Variants in ANKS1B observed in about 807,000 individuals in gnomAD.
The protein encoded by ANKS1B is ankyrin repeat and sterile alpha motif domain containing 1B.
In ANKS1B, 36 loss-of-function variants were observed where a neutral mutation model predicts 148.3. That is an observed-to-expected ratio of 0.24 (90% CI 0.19 to 0.32). The LOEUF (loss-of-function observed/expected upper bound fraction) is 0.32, where lower values mean the gene tolerates loss of function less well. Ranked by LOEUF, ANKS1B falls within the 10% of genes least tolerant of loss-of-function variation. The probability of loss-of-function intolerance (pLI) is 1.00; values close to 1 mark genes in which losing one functional copy is unlikely to be tolerated. For missense variants in ANKS1B, 1,157 were observed against 1,542.6 expected (o/e 0.75, Z 4.19); for synonymous variants, 542 against 560.8 (o/e 0.97, Z 0.47).
intron 17 of ANKS1B, among the ~76,000 whole-genome samples, chr12:98,954,064 G>T (rs1389991473): frequency 4.6e-5 from 7 of 152,180 alleles, no homozygotes; most frequent in Admixed American, 1.3e-4. Flanking sequence ...AAGATGGTTA[G>T]AAATGAATCT....
At chr12:99,321,493 A>G (rs1490804962) in intron 12 of ANKS1B, among the ~76,000 whole-genome samples, 4 of 152,094 alleles carry the variant, frequency 2.6e-5, no homozygotes, top group Admixed American at 2.0e-4. Context: ...TGGGCATGGG[A>G]CCCTCCGAGC....
intron 1 of ANKS1B, among the ~76,000 whole-genome samples, chr12:99,826,454 TAAA>T (rs1378800021): frequency 6.6e-6 from 1 of 152,038 alleles, no homozygotes; most frequent in African/African-American, 2.4e-5. Context: ...GACAGTTAAT[TAAA>T]AGAAGAATTA....
intron 8 of ANKS1B, among the ~76,000 whole-genome samples, chr12:99,699,060 A>G (rs1349975743): frequency 6.6e-6 from 1 of 151,776 alleles, no homozygotes; most frequent in Admixed American, 6.6e-5. Context: ...TCATTCACTT[A>G]TTTTTTCATT....
At chr12:99,531,371 C>T (rs1211562520) in intron 9 of ANKS1B, among the ~76,000 whole-genome samples, 1 of 152,222 alleles carries the variant, frequency 6.6e-6, no homozygotes, top group Non-Finnish European at 1.5e-5. Context: ...CAACTCTCCC[C>T]CCTTCTGAGT....
At chr12:98,835,657 TC>T (rs1249055399) in intron 17 of ANKS1B, among the ~76,000 whole-genome samples, 2 of 152,186 alleles carry the variant, frequency 1.3e-5, no homozygotes, top group African/African-American at 4.8e-5. Context: ...GCTGAGGCAC[TC>T]CTCTGCACTG....
At chr12:98,961,860 T>C (rs1271406714) in intron 17 of ANKS1B, among the ~76,000 whole-genome samples, 5 of 152,078 alleles carry the variant, frequency 3.3e-5, no homozygotes, top group African/African-American at 7.2e-5. Flanking sequence ...GGTTATAAGA[T>C]AGTATTTTCA....
intron 25 of ANKS1B, among the ~76,000 whole-genome samples, chr12:98,771,650 G>C (rs1013762099): frequency 6.6e-6 from 1 of 151,870 alleles, no homozygotes; most frequent in Admixed American, 6.6e-5. Flanking sequence ...ATTTTTGTTT[G>C]TTTGTTTTTG....
intron 17 of ANKS1B, among the ~76,000 whole-genome samples, chr12:99,025,980 C>T (rs2099948523): frequency 6.6e-6 from 1 of 152,136 alleles, no homozygotes; most frequent in Non-Finnish European, 1.5e-5. Flanking sequence ...AGTTCCCAGA[C>T]CAATGTGCTT....
chr12:99,506,705 T>A (rs2096715441), intron 9 of ANKS1B, among the ~76,000 whole-genome samples: 1 of 152,010 alleles, frequency 6.6e-6, no homozygotes, highest in South Asian at 2.1e-4. Flanking sequence ...CAAAGACTAA[T>A]GTTTATAAGT....
chr12:99,739,832 T>G (rs943187231), intron 8 of ANKS1B, among the ~76,000 whole-genome samples: 2 of 152,244 alleles, frequency 1.3e-5, no homozygotes, highest in African/African-American at 4.8e-5. Flanking sequence ...CATCCTTCTC[T>G]GAGCATTCCA....
At chr12:99,970,471 T>C (rs1212710077) in intron 1 of ANKS1B, among the ~76,000 whole-genome samples, 3 of 151,896 alleles carry the variant, frequency 2.0e-5, no homozygotes, top group Admixed American at 1.3e-4. Flanking sequence ...TTTGATCTTT[T>C]ACTCAAAGTT....
intron 15 of ANKS1B, among the ~76,000 whole-genome samples, chr12:99,132,986 C>A (rs1003013171): frequency 1.3e-5 from 2 of 149,400 alleles, no homozygotes; most frequent in Non-Finnish European, 3.0e-5. Context: ...GTATTTATTT[C>A]AATTTTCCAT....
intron 12 of ANKS1B, among the ~76,000 whole-genome samples, chr12:99,386,519 T>C (rs1021702826): frequency 2.6e-5 from 4 of 152,198 alleles, no homozygotes; most frequent in African/African-American, 9.7e-5. Flanking sequence ...TGCTTTGTTT[T>C]GACCTCGTGA....
intron 17 of ANKS1B, among the ~76,000 whole-genome samples, chr12:98,909,423 C>T (rs541443838): frequency 2.2e-4 from 34 of 152,304 alleles, no homozygotes; most frequent in African/African-American, 7.0e-4. Context: ...ACTTGCCTGG[C>T]GTCACACAGC....
chr12:99,302,159 T>C (rs1218973439), intron 12 of ANKS1B, among the ~76,000 whole-genome samples: 1 of 152,148 alleles, frequency 6.6e-6, no homozygotes, highest in Non-Finnish European at 1.5e-5. Flanking sequence ...ATTTAGTTCA[T>C]ATGAAAAGAT....
At chr12:99,357,863 T>C (rs2092152298) in intron 12 of ANKS1B, among the ~76,000 whole-genome samples, 1 of 152,152 alleles carries the variant, frequency 6.6e-6, no homozygotes, top group Non-Finnish European at 1.5e-5. Context: ...AGAATGCCCT[T>C]CTTAGCCTGC....
intron 17 of ANKS1B, among the ~76,000 whole-genome samples, chr12:99,021,372 G>A (rs2099945710): frequency 6.6e-6 from 1 of 152,066 alleles, no homozygotes; most frequent in Non-Finnish European, 1.5e-5. Flanking sequence ...ATAAGAAAAT[G>A]AAGTTCCAGA....
chr12:99,351,869 G>C (rs1271245850), intron 12 of ANKS1B: 1 of 152,094 alleles, frequency 6.6e-6, no homozygotes, highest in Admixed American at 6.6e-5. Context: ...GAGGTTTCCT[G>C]CTTAAGCAAC....
intron 15 of ANKS1B, among the ~76,000 whole-genome samples, chr12:99,102,773 A>G (rs1020786750): frequency 6.6e-6 from 1 of 151,420 alleles, no homozygotes; most frequent in African/African-American, 2.4e-5. Flanking sequence ...AGAATAGGAG[A>G]CTCTTAGCTG....
Sources: allele counts gnomAD v4.1 joint callset (sites outside exome capture counted in the v4.1 genomes callset), GRCh38; gene constraint gnomAD v4.1.1; transcripts MANE v1.5; gene names NCBI Gene and HGNC (gene_info 2026-07-23, HGNC 2026-07-21).